GLI3: variants seen among roughly 807,000 people sequenced by gnomAD.
GLI3 encodes GLI family zinc finger 3.
Under a neutral mutation model 100.8 loss-of-function variants are expected in GLI3, and 20 were observed. The observed-to-expected ratio is 0.20, with a 90% CI of 0.14 to 0.29. The LOEUF is 0.29. Ranked by LOEUF, GLI3 falls within the 10% of genes least tolerant of loss-of-function variation. GLI3 has a pLI of 1.00. For missense variants in GLI3, 2,040 were observed against 2,128.5 expected (o/e 0.96, Z 0.82); for synonymous variants, 938 against 860.5 (o/e 1.09, Z -1.58).
At chr7:42,231,651 G>A (rs1788697846) in intron 1 of GLI3, among the ~76,000 whole-genome samples, 1 of 152,150 alleles carries the variant, frequency 6.6e-6, no homozygotes, top group Non-Finnish European at 1.5e-5. Flanking sequence ...AGTCATTAAG[G>A]CTTCAATCTT....
intron 2 of GLI3, among the ~76,000 whole-genome samples, chr7:42,207,694 T>C (rs1583648292): frequency 6.6e-6 from 1 of 152,126 alleles, no homozygotes; most frequent in Non-Finnish European, 1.5e-5. Flanking sequence ...AGAAGAGTGG[T>C]TCATGACACA....
upstream of GLI3, among the ~76,000 whole-genome samples, chr7:42,240,175 TG>T (rs1281783389): frequency 6.6e-6 from 1 of 152,216 alleles, no homozygotes; most frequent in Non-Finnish European, 1.5e-5. Context: ...CCTTCCTTGA[TG>T]TCTGAAATTC....
At chr7:42,173,231 CA>C (rs932542703) in intron 2 of GLI3, among the ~76,000 whole-genome samples, 1 of 152,120 alleles carries the variant, frequency 6.6e-6, no homozygotes, top group Non-Finnish European at 1.5e-5. Context: ...ACACGGCGGG[CA>C]AAAAATATTC....
Position 41,971,223 on chromosome 7 carries a change from G to A in GLI3, c.2103+1114C>T, listed in dbSNP as rs183271495. 1.1e-4 allele frequency among the ~76,000 whole-genome samples: 17 copies of A among 152,252 alleles called. No homozygotes were observed. In the East Asian group the frequency reaches 1.2e-3, roughly 10 times the overall value. On this transcript the variant is annotated intron_variant, in intron 13 of 14. Coordinates refer to ENST00000395925, the MANE Select transcript of GLI3 (RefSeq NM_000168.6). ...TCATGAATTCATAGGCTCTCCATCC[G>A]ATAGACTGCTCTAATTTTAAGAAAA...
chr7:42,200,969 G>C (rs1788026781), intron 2 of GLI3, among the ~76,000 whole-genome samples: 1 of 152,082 alleles, frequency 6.6e-6, no homozygotes, highest in South Asian at 2.1e-4. Flanking sequence ...TTAGTTTTAA[G>C]TAATATTAAA....
At chr7:42,109,732 C>T (rs1469252245) in intron 3 of GLI3, among the ~76,000 whole-genome samples, 1 of 152,144 alleles carries the variant, frequency 6.6e-6, no homozygotes, top group Admixed American at 6.5e-5. Flanking sequence ...TGAAGAGACG[C>T]CTACTGACAA....
At chr7:42,260,563 G>A (rs895113592) in intron 1 of GLI3, among the ~76,000 whole-genome samples, 1 of 152,200 alleles carries the variant, frequency 6.6e-6, no homozygotes, top group African/African-American at 2.4e-5. Context: ...ATTTTGATGA[G>A]CAAGGTGTGA....
At chr7:42,059,523 A>T (rs971604613) in intron 4 of GLI3, among the ~76,000 whole-genome samples, 1 of 151,526 alleles carries the variant, frequency 6.6e-6, no homozygotes, top group Non-Finnish European at 1.5e-5. Flanking sequence ...AATAAATATA[A>T]TTCATTATTA....
intron 3 of GLI3, among the ~76,000 whole-genome samples, chr7:42,133,652 A>AC (rs1341365971): frequency 6.6e-6 from 1 of 151,708 alleles, no homozygotes; most frequent in Non-Finnish European, 1.5e-5. Flanking sequence ...AGAAAAAAAA[A>AC]AAAAAACTGT....
Position 42,175,510 on chromosome 7 carries a change from T to C in GLI3, c.125-27042A>G, listed in dbSNP as rs535438103. On this transcript the variant is annotated intron_variant, in intron 2 of 14. Transcript: ENST00000395925. ...GCACACACCTGTAATCCTAGCTATCTGGGTGGCTGAGGCACGAGAATCACT... is the reference window on the plus strand; with the variant it reads ...GCACACACCTGTAATCCTAGCTATCCGGGTGGCTGAGGCACGAGAATCACT... Among the ~76,000 whole-genome samples, 3 of 152,058 alleles carry C rather than the reference T, an allele frequency of 2.0e-5. No homozygotes were observed. The East Asian group carries it at 5.8e-4, about 30-fold the overall frequency.
chr7:42,008,063 C>T (rs1029058486), intron 10 of GLI3, among the ~76,000 whole-genome samples: 1 of 152,132 alleles, frequency 6.6e-6, no homozygotes, highest in African/African-American at 2.4e-5. Flanking sequence ...GAAACTTCTG[C>T]GGTATAAAGA....
intron 2 of GLI3, among the ~76,000 whole-genome samples, chr7:42,186,553 G>A (rs149061603): frequency 3.7e-4 from 56 of 152,286 alleles, no homozygotes; most frequent in African/African-American, 1.3e-3. Flanking sequence ...CAACAGCAGC[G>A]GAATGACAAC....
At chr7:42,141,151 A>C (rs2128782457) in intron 3 of GLI3, among the ~76,000 whole-genome samples, 1 of 152,344 alleles carries the variant, frequency 6.6e-6, no homozygotes, top group African/African-American at 2.4e-5. Flanking sequence ...ATGTTACCAA[A>C]ATATGAATTG....
intron 4 of GLI3, among the ~76,000 whole-genome samples, chr7:42,057,501 C>T (rs1297933024): frequency 3.9e-5 from 6 of 152,232 alleles, no homozygotes; most frequent in Non-Finnish European, 5.9e-5. Flanking sequence ...ATCACGTGTG[C>T]ATATGTGCCA....
chr7:42,248,768 TA>T (rs1361078045), intron 1 of GLI3, among the ~76,000 whole-genome samples: 2 of 152,116 alleles, frequency 1.3e-5, no homozygotes, highest in Non-Finnish European at 1.5e-5. Flanking sequence ...TATCCTCTTT[TA>T]TTTTTTTATT....
rs150179670 is a variant in GLI3 at position 41,965,366 on chromosome 7, C to T, written c.3707G>A (p.Gly1236Glu). The change falls in exon 15 of 15, where the codon GGA becomes GAA. Residue 1236 changes from glycine to glutamate, a missense_variant. This residue lies in a region of GLI3 where 1,041 missense variants were observed against 924.0 expected (regional missense o/e 1.13). Transcript: ENST00000395925. ...GAAGGCGTTTCCACTGGTGCCACTT[C>T]CGGGGCTGTTGTGGAGCATCAAGTG... ...PEHLMLHNSPGSGTSGNAFHE... is the reference protein window; with the variant it reads ...PEHLMLHNSPESGTSGNAFHE... The T allele has an allele frequency of 1.9e-6, 3 of 1,613,318 alleles. No homozygotes were observed. In the East Asian group the frequency reaches 6.7e-5, roughly 36 times the overall value.
In GLI3 at chr7:41,962,531, G is replaced by C. The variant is rs2128703950; in HGVS notation, c.*1799C>G. The C allele has an allele frequency of 6.6e-6, 1 of 152,290 alleles. No homozygotes were observed. The highest frequency in any genetic ancestry group is 1.9e-4 in the East Asian group (1 of 5,176). 9.4% of individuals were successfully genotyped at this position (152,290 alleles called of 1,614,324 possible). On this transcript the variant is annotated 3_prime_UTR_variant, in exon 15 of 15. Coordinates refer to ENST00000395925, the MANE Select transcript of GLI3 (RefSeq NM_000168.6). ...AGACTTACATGGGGGAGAACAGCAG[G>C]CATGGAAGGGGAATTGCAGTGTCCC...
intron 14 of GLI3, among the ~76,000 whole-genome samples, chr7:41,967,203 G>A (rs546840045): frequency 6.6e-6 from 1 of 152,312 alleles, no homozygotes; most frequent in South Asian, 2.1e-4. Flanking sequence ...ACTGACAGTG[G>A]GGAGGGATTT....
chr7:42,143,881 G>C (rs1286119590), intron 3 of GLI3, among the ~76,000 whole-genome samples: 1 of 152,168 alleles, frequency 6.6e-6, no homozygotes, highest in African/African-American at 2.4e-5. Flanking sequence ...CTGTAAAGGA[G>C]ACCTGAAATT....
Sources: allele counts gnomAD v4.1 joint callset (sites outside exome capture counted in the v4.1 genomes callset), GRCh38; gene constraint gnomAD v4.1.1; regional missense constraint gnomAD v4.1.1; transcripts MANE v1.5; gene names NCBI Gene and HGNC (gene_info 2026-07-23, HGNC 2026-07-21).